The following SLC17A1 variants were observed in gnomAD, a reference collection of about 807,000 sequenced individuals.
SLC17A1 encodes solute carrier family 17 member 1.
In SLC17A1, 51 loss-of-function variants were observed where a neutral mutation model predicts 53.5. That is an observed-to-expected ratio of 0.95 (90% CI 0.76 to 1.20). The LOEUF (loss-of-function observed/expected upper bound fraction) is 1.20, where lower values mean the gene tolerates loss of function less well. Ranked by LOEUF, SLC17A1 falls within the 50% of genes most tolerant of loss-of-function variation. SLC17A1 has a pLI of 0.00. For synonymous variants in SLC17A1, 179 were observed against 198.8 expected (o/e 0.90, Z 0.84); for missense variants, 538 against 568.2 (o/e 0.95, Z 0.54).
the SLC17A1 span, among the ~76,000 whole-genome samples, chr6:25,752,656 A>G: frequency 1.3e-5 from 2 of 152,388 alleles, no homozygotes; most frequent in South Asian, 4.1e-4. Context: ...CTGCTGTACA[A>G]AAATATTTTC....
At chr6:25,824,657 A>G (rs553445831) in intron 3 of SLC17A1, among the ~76,000 whole-genome samples, 84 of 152,018 alleles carry the variant, frequency 5.5e-4, no homozygotes, top group Non-Finnish European at 8.0e-4. Context: ...TGTATATTAT[A>G]AAACCTATGG....
chr6:25,799,809 A>C (rs566396227), intron 11 of SLC17A1, among the ~76,000 whole-genome samples: 4 of 152,326 alleles, frequency 2.6e-5, no homozygotes, highest in Admixed American at 2.0e-4. Flanking sequence ...AACTCAATGG[A>C]AGAATAAAGG....
At chr6:25,770,009 C>G in the SLC17A1 span, 1 of 1,522,718 alleles carries the variant, frequency 6.6e-7, no homozygotes. Context: ...CAAGTCCTCA[C>G]AATGAAAACT....
In SLC17A1 at chr6:25,798,735, C is replaced by T. The variant is rs751943289; in HGVS notation, c.*2+48G>A. On this transcript the variant is annotated intron_variant, in intron 12 of 12. Coordinates refer to ENST00000244527, the MANE Select transcript of SLC17A1 (RefSeq NM_005074.5). ...GGAGTCATCCTTATCTCCTCTGTCT[C>T]CTGCATTCCCAGTTTCAAAAATTGT... is the stretch of plus-strand genomic sequence containing the variant. 21 of 1,544,200 alleles carry T rather than the reference C, an allele frequency of 1.4e-5. No individual in the cohort carries two copies. In the East Asian group the frequency reaches 4.3e-4, roughly 32 times the overall value.
the SLC17A1 span, among the ~76,000 whole-genome samples, chr6:25,727,553 G>A: frequency 6.7e-6 from 1 of 149,444 alleles, no homozygotes; most frequent in African/African-American, 2.4e-5. Context: ...CACTACACCC[G>A]GCTAATTTTT....
At chr6:25,727,481 T>C in the SLC17A1 span, among the ~76,000 whole-genome samples, 1 of 150,236 alleles carries the variant, frequency 6.7e-6, no homozygotes, top group South Asian at 2.1e-4. Flanking sequence ...AAGCTCTGCC[T>C]CCTGAGTTCA....
chr6:25,831,048 T>C (rs1460590037), intron 1 of SLC17A1, among the ~76,000 whole-genome samples: 1 of 152,118 alleles, frequency 6.6e-6, no homozygotes, highest in Non-Finnish European at 1.5e-5. Flanking sequence ...AAATTCCTTT[T>C]TTCCCCCTGT....
the SLC17A1 span, chr6:25,726,216 G>A: frequency 1.9e-6 from 3 of 1,612,006 alleles, no homozygotes; most frequent in East Asian, 4.5e-5. Context: ...CTCCGCCCTG[G>A]GCAATGGTCA....
chr6:25,744,455 A>G, the SLC17A1 span, among the ~76,000 whole-genome samples: 6 of 152,314 alleles, frequency 3.9e-5, no homozygotes, highest in East Asian at 1.9e-4. Context: ...AATGAATGCA[A>G]TCTTACTCAC....
chr6:25,787,589 G>A (rs2096386), intron 12 of SLC17A1, among the ~76,000 whole-genome samples: 90,097 of 152,060 alleles, frequency 0.59, 27,127 homozygotes, highest in Middle Eastern at 0.78. Flanking sequence ...TTTGTTGCCT[G>A]CTGCCTCAAA....
intron 12 of SLC17A1, 52 bp downstream of exon 12, chr6:25,798,731 G>A: frequency 6.5e-7 from 1 of 1,532,870 alleles, no homozygotes; most frequent in Non-Finnish European, 8.9e-7. Context: ...TATCTCCTCT[G>A]TCTCCTGCAT....
Position 25,819,086 on chromosome 6 carries a change from TG to T in SLC17A1, c.597del (p.Met200TrpfsTer31). The T allele has an allele frequency of 6.2e-7, 1 of 1,604,342 alleles. No homozygotes were observed. The highest frequency in any genetic ancestry group is 8.5e-7 in the Non-Finnish European group (1 of 1,177,050). On this transcript the variant is annotated frameshift_variant, in exon 6 of 13. Transcript: ENST00000244527. LOFTEE classifies it high-confidence loss of function. Reference sequence around the variant, plus strand: ...GACTCACCAAAAATATAGAAGACCATGGGCCAGCCCAGAGATTCACAGATAA... The same window carrying T: ...GACTCACCAAAAATATAGAAGACCATGGCCAGCCCAGAGATTCACAGATAA... ...TGVICESLGW[P>X]MVFYIFGACG...
chr6:25,818,368 C>G (rs1245366446), intron 6 of SLC17A1, among the ~76,000 whole-genome samples: 4 of 152,180 alleles, frequency 2.6e-5, no homozygotes, highest in Non-Finnish European at 4.4e-5. Context: ...ATATTCCGAG[C>G]TCCTGTATCG....
the SLC17A1 span, chr6:25,732,104 A>T: frequency 1.3e-6 from 1 of 780,114 alleles, no homozygotes; most frequent in Non-Finnish European, 1.9e-6. Context: ...AGTTTTAGCA[A>T]CTGCCTTCTT....
intron 3 of SLC17A1, among the ~76,000 whole-genome samples, chr6:25,824,775 A>G (rs1764685060): frequency 6.6e-6 from 1 of 151,406 alleles, no homozygotes; most frequent in Admixed American, 6.6e-5. Context: ...AATGTGAATG[A>G]AAAAAAAATT....
chr6:25,826,602 C>A lies in SLC17A1; in HGVS notation c.66G>T (p.Leu22Phe). Reference protein sequence around the residue: ...VPGFCSFRYGLSFLVHCCNVI... With the variant: ...VPGFCSFRYGFSFLVHCCNVI... ...CATTACAACAGTGCACAAGGAAAGACAATCCATAGCGAAAGGAACAGAAAC... is the reference window on the plus strand; with the variant it reads ...CATTACAACAGTGCACAAGGAAAGAAAATCCATAGCGAAAGGAACAGAAAC... The change falls in exon 3 of 13, where the codon TTG (leucine) becomes TTT (phenylalanine). Residue 22 changes from leucine to phenylalanine, a missense_variant. Leu to Phe is a conservative substitution (Grantham distance 22, BLOSUM62 0). Coordinates refer to ENST00000244527, the MANE Select transcript of SLC17A1 (RefSeq NM_005074.5). The A allele has an allele frequency of 6.3e-7, 1 of 1,588,626 alleles. No individual in the cohort carries two copies. The highest frequency in any genetic ancestry group is 8.6e-7 in the Non-Finnish European group (1 of 1,166,844).
chr6:25,758,395 C>A, the SLC17A1 span, among the ~76,000 whole-genome samples: 1 of 152,184 alleles, frequency 6.6e-6, no homozygotes, highest in African/African-American at 2.4e-5. Context: ...AGTAATAATT[C>A]AAATTACATT....
chr6:25,829,220 G>T (rs1374548144), intron 2 of SLC17A1, among the ~76,000 whole-genome samples: 2 of 152,054 alleles, frequency 1.3e-5, no homozygotes, highest in Admixed American at 6.6e-5. Flanking sequence ...AGGTCCTAGC[G>T]ATGCGATAGT....
At chr6:25,807,641 C>A (rs982081305) in intron 10 of SLC17A1, among the ~76,000 whole-genome samples, 1 of 151,850 alleles carries the variant, frequency 6.6e-6, no homozygotes, top group African/African-American at 2.4e-5. Context: ...TCCGTAGAGT[C>A]CATTATGTTA....
Sources: gnomAD v4.1 joint callset for allele counts (sites outside exome capture counted in the v4.1 genomes callset) on GRCh38, gnomAD v4.1.1 for gene constraint, MANE v1.5 for transcripts, NCBI Gene and HGNC (gene_info 2026-07-23, HGNC 2026-07-21) for gene names.